WDR36: variants seen among roughly 807,000 people sequenced by gnomAD.
WDR36 encodes WD repeat-containing protein 36.
In WDR36, 63 loss-of-function variants were observed where a neutral mutation model predicts 112.7. That is an observed-to-expected ratio of 0.56 (90% CI 0.46 to 0.69). The LOEUF (loss-of-function observed/expected upper bound fraction) is 0.69, where lower values mean the gene tolerates loss of function less well. Ranked by LOEUF, WDR36 falls within the 30% of genes least tolerant of loss-of-function variation. The probability of loss-of-function intolerance (pLI) is 0.00; values close to 1 mark genes in which losing one functional copy is unlikely to be tolerated. For synonymous variants in WDR36, 410 were observed against 362.2 expected (o/e 1.13, Z -1.50); for missense variants, 1,226 against 1,070.3 (o/e 1.15, Z -2.03).
At chr5:111,109,456 C>T (rs1359661527) in intron 12 of WDR36, among the ~76,000 whole-genome samples, 2 of 150,866 alleles carry the variant, frequency 1.3e-5, no homozygotes, top group Non-Finnish European at 3.0e-5. Flanking sequence ...GTTAAATAAA[C>T]CTTCATTAAA....
rs571124821 is a variant in WDR36, at chr5:111,096,973, A to G, written c.191-106A>G. 1.3e-3 allele frequency: 910 copies of G among 724,366 alleles called. 21 individuals are homozygous for G. The South Asian group carries it at 0.015, about 12-fold the overall frequency. The allele number at this position is 724,366 out of a possible 1,614,324, so 44.9% of individuals were successfully genotyped here. A position where few individuals can be genotyped will look rare whatever the true frequency, so the allele number is the denominator to read the frequency against. On this transcript the variant is annotated intron_variant, in intron 2 of 22. Transcript: ENST00000513710. ...TGATTCTCAACTTTGATCTTTATTT[A>G]TATATTTTTTTAAATTATAGCCATG...
At position 111,127,773 on chromosome 5, in the gene WDR36, C is replaced by T. The variant is rs1367148125; in HGVS notation, c.*890C>T. On this transcript the variant is annotated 3_prime_UTR_variant, in exon 23 of 23. Transcript: ENST00000513710. The stretch of plus-strand genomic sequence containing the variant: ...GGAAGATGGCCTTTTACTGACACTG[C>T]AGACATGTAGATAACAATAGTTTAA... 4.7e-6 allele frequency: 1 copy of T among 210,920 alleles called. No homozygotes were observed. The highest frequency in any genetic ancestry group is 5.9e-5 in the Admixed American group (1 of 16,976). The allele number at this position is 210,920 out of a possible 1,614,324, so 13.1% of individuals were successfully genotyped here. A position where few individuals can be genotyped will look rare whatever the true frequency, so the allele number is the denominator to read the frequency against.
At chr5:111,114,599 T>C (rs1479631480) in intron 16 of WDR36, among the ~76,000 whole-genome samples, 2 of 152,208 alleles carry the variant, frequency 1.3e-5, no homozygotes, top group Non-Finnish European at 2.9e-5. Context: ...TTTGTCTCTT[T>C]CACTTAAAAT....
chr5:111,120,368 A>G, intron 17 of WDR36, 128 bp from the exon 18 acceptor site: 2 of 746,654 alleles, frequency 2.7e-6, no homozygotes, highest in South Asian at 3.3e-5. Flanking sequence ...TTTTAAATTG[A>G]TAACAATCTA....
chr5:111,099,451 G>GGTTT (rs1753068396), intron 4 of WDR36, among the ~76,000 whole-genome samples: 5 of 55,640 alleles, frequency 9.0e-5, no homozygotes, highest in African/African-American at 2.9e-4. Context: ...GTTTTTTTTT[G>GGTTT]TTTTTTTTTT....
chr5:111,121,283 A>T, intron 19 of WDR36, 142 bp downstream of exon 19: 2 of 858,362 alleles, frequency 2.3e-6, no homozygotes, highest in Admixed American at 4.5e-5. Context: ...CTATTTAATC[A>T]AATATTGTTT....
At position 111,121,033 on chromosome 5, in the gene WDR36, T is replaced by G. The variant is rs1309729625; in HGVS notation, c.2040T>G (p.Asp680Glu). The G allele has an allele frequency of 1.2e-6, 2 of 1,613,502 alleles. No individual in the cohort carries two copies. The highest frequency in any genetic ancestry group is 1.7e-6 in the Non-Finnish European group (2 of 1,179,592). The change falls in exon 19 of 23, where the codon GAT (aspartate) becomes GAG (glutamate). Residue 680 changes from aspartate to glutamate, a missense_variant. By Grantham distance (45) the Asp-to-Glu change is conservative (BLOSUM62 2). Coordinates refer to ENST00000513710, the MANE Select transcript of WDR36 (RefSeq NM_139281.3). ...CAGAAGAAACAGTAGAACCAAGTGATGAATTGATAGAATATGATTCGCCAG... is the reference window on the plus strand; with the variant it reads ...CAGAAGAAACAGTAGAACCAAGTGAGGAATTGATAGAATATGATTCGCCAG... ...EVSEETVEPS[D>E]ELIEYDSPEQ...
Position 111,098,748 on chromosome 5 carries a change from G to A in WDR36, c.318G>A (p.Lys106=), listed in dbSNP as rs1464714258. The A allele has an allele frequency of 6.2e-7, 1 of 1,610,894 alleles. No individual in the cohort carries two copies. The highest frequency in any genetic ancestry group is 8.5e-7 in the Non-Finnish European group (1 of 1,177,404). The change falls in exon 4 of 23, where the codon AAG becomes AAA. Residue 106 remains lysine, a synonymous_variant. Coordinates refer to ENST00000513710, the MANE Select transcript of WDR36 (RefSeq NM_139281.3). ...KEIVHTFKGH[K]AEIHFLQPFG... is the part of the protein sequence containing the mutation. ...TAGTACATACCTTTAAGGGTCATAA[G>A]GCAGAAATCCATTTCTTGCAACCCT...
intron 17 of WDR36, among the ~76,000 whole-genome samples, chr5:111,119,878 A>T (rs756263195): frequency 5.9e-5 from 9 of 152,162 alleles, no homozygotes; most frequent in Non-Finnish European, 1.3e-4. Flanking sequence ...ATGAGCACTC[A>T]CAGCAGGAGT....
At chr5:111,118,030 T>C (rs1265642118) in intron 16 of WDR36, among the ~76,000 whole-genome samples, 2 of 152,202 alleles carry the variant, frequency 1.3e-5, no homozygotes, top group Non-Finnish European at 2.9e-5. Flanking sequence ...TCTGTTCAAA[T>C]ATATTCTGCA....
intron 17 of WDR36, 103 bp downstream of exon 17, chr5:111,119,223 A>G: frequency 2.2e-6 from 2 of 909,238 alleles, no homozygotes; most frequent in Non-Finnish European, 1.8e-6. Flanking sequence ...AGTGTATTAA[A>G]TGGAAATGTC....
chr5:111,107,362 T>C lies in WDR36; in HGVS notation c.1249T>C (p.Trp417Arg), dbSNP rs1753240625. The change falls in exon 12 of 23, where the codon TGG becomes CGG. Residue 417 changes from tryptophan to arginine, a missense_variant. Coordinates refer to ENST00000513710, the MANE Select transcript of WDR36 (RefSeq NM_139281.3). ...TCAAGGTAAGCTATCTTGCTCAACC[T>C]GGAATTATCAGAAATCTACAATAGG... is the stretch of plus-strand genomic sequence containing the variant. ...CHQGKLSCSTWNYQKSTIGAY... is the reference protein window; with the variant it reads ...CHQGKLSCSTRNYQKSTIGAY... The C allele has an allele frequency of 6.2e-7, 1 of 1,610,522 alleles. No individual in the cohort carries two copies. The highest frequency in any genetic ancestry group is 8.5e-7 in the Non-Finnish European group (1 of 1,177,788).
chr5:111,113,122 T>A lies in WDR36; in HGVS notation c.1765T>A (p.Ser589Thr). 6.3e-7 allele frequency: 1 copy of A among 1,590,320 alleles called. No individual in the cohort carries two copies. Among genetic ancestry groups the A allele is most frequent in the Non-Finnish European group, 8.6e-7 (1 of 1,165,710 alleles). The change falls in exon 16 of 23, where the codon TCT (serine) becomes ACT (threonine). Residue 589 changes from serine to threonine, a missense_variant. Coordinates refer to ENST00000513710, the MANE Select transcript of WDR36 (RefSeq NM_139281.3). The stretch of plus-strand genomic sequence containing the variant: ...GTTAATAAGTGCTGCGATGGATTGC[T>A]CTATTAGGACTTGGGACCTTCCTTC... ...RWLISAAMDC[S>T]IRTWDLPSGC... is the part of the protein sequence containing the mutation.
chr5:111,110,126 G>A (rs1434736640), intron 12 of WDR36, 63 bp from the exon 13 acceptor site: 1 of 1,162,766 alleles, frequency 8.6e-7, no homozygotes, highest in Non-Finnish European at 1.3e-6. Flanking sequence ...AAATGCTTTG[G>A]AAAGCATAAA....
chr5:111,095,230 C>G (rs1016143926), intron 2 of WDR36: 18 of 320,772 alleles, frequency 5.6e-5, no homozygotes, highest in Non-Finnish European at 5.8e-6. Context: ...TTTAGAATGT[C>G]CTTCAGTTTG....
At chr5:111,118,977 G>C (rs1267101457) in intron 16 of WDR36, 36 bp from the exon 17 acceptor site, 1 of 1,537,816 alleles carries the variant, frequency 6.5e-7, no homozygotes, top group Non-Finnish European at 9.0e-7. Flanking sequence ...TTTTGGTAGA[G>C]TTCAAATACT....
chr5:111,127,317 G>T lies in WDR36; in HGVS notation c.*434G>T. 1 of 207,716 alleles carries T rather than the reference G, an allele frequency of 4.8e-6. No individual in the cohort carries two copies. Among genetic ancestry groups the T allele is most frequent in the South Asian group, 1.9e-4 (1 of 5,386 alleles). 12.9% of individuals were successfully genotyped at this position (207,716 alleles called of 1,614,324 possible). On this transcript the variant is annotated 3_prime_UTR_variant, in exon 23 of 23. Transcript: ENST00000513710. ...ATTATTACCTGCTTATATTTTTTGAGTATCTGTTTCATATAAAGAGATGCT... is the reference window on the plus strand; with the variant it reads ...ATTATTACCTGCTTATATTTTTTGATTATCTGTTTCATATAAAGAGATGCT...
At chr5:111,102,465 T>G (rs1753140787) in intron 6 of WDR36, 66 bp downstream of exon 6, 1 of 1,480,904 alleles carries the variant, frequency 6.8e-7, no homozygotes, top group Non-Finnish European at 9.4e-7. Flanking sequence ...GTTTCAGGAA[T>G]CAATCATAAT....
rs141572612 is a variant in WDR36, at chr5:111,122,224, A to C, written c.2148+1083A>C. On this transcript the variant is annotated intron_variant, in intron 19 of 22. Coordinates refer to ENST00000513710, the MANE Select transcript of WDR36 (RefSeq NM_139281.3). ...TGAAATAGTTCAAATGCAAGGCATT[A>C]ATAAGTACAAATAGATTAGTGTGAG... Among the ~76,000 whole-genome samples, 918 of 152,298 alleles carry C rather than the reference A, an allele frequency of 6.0e-3. 10 individuals carry two copies. The highest frequency in any genetic ancestry group is 9.0e-3 in the Non-Finnish European group (614 of 68,014).
Sources: gnomAD v4.1 joint callset for allele counts (sites outside exome capture counted in the v4.1 genomes callset) on GRCh38, gnomAD v4.1.1 for gene constraint, MANE v1.5 for transcripts, NCBI Gene and HGNC (gene_info 2026-07-23, HGNC 2026-07-21) for gene names.